ULK4: variants seen among roughly 807,000 people sequenced by gnomAD.
ULK4 encodes inactive serine/threonine-protein kinase ULK4.
In ULK4, 133 loss-of-function variants were observed where a neutral mutation model predicts 160.6. The observed-to-expected ratio is 0.83, with a 90% CI of 0.72 to 0.96. ULK4 has a LOEUF of 0.96. ULK4 is among the 40% of genes least tolerant of loss of function. The pLI is 0.00. For synonymous variants in ULK4, 534 were observed against 539.8 expected (o/e 0.99, Z 0.15); for missense variants, 1,580 against 1,499.5 (o/e 1.05, Z -0.89).
At position 41,681,510 on chromosome 3, in the gene ULK4, G is replaced by A. The variant is rs141682159; in HGVS notation, c.2976C>T (p.Pro992=). 1 of 1,613,732 alleles carries A rather than the reference G, an allele frequency of 6.2e-7. No individual in the cohort carries two copies. The highest frequency in any genetic ancestry group is 1.3e-5 in the African/African-American group (1 of 74,890). ...GAATACAACTGCATGATACTTACTG[G>A]GGAAGTAAGACATCTCGAATGAGAG... is the stretch of plus-strand genomic sequence containing the variant. ...LLALIRDVLL[P]QYEHILLEPD... is the part of the protein sequence containing the mutation. The change falls in exon 29 of 37, where the codon CCC becomes CCT. Residue 992 remains proline (P), a splice_region_variant and synonymous_variant. Coordinates refer to ENST00000301831, the MANE Select transcript of ULK4 (RefSeq NM_017886.4).
intron 34 of ULK4, among the ~76,000 whole-genome samples, chr3:41,412,853 GC>G (rs920562444): frequency 1.3e-5 from 2 of 152,062 alleles, no homozygotes; most frequent in Admixed American, 1.3e-4. Context: ...GAACCACTGT[GC>G]CTGGCCAAGA....
At chr3:41,317,039 G>T (rs1339287430) in intron 35 of ULK4, among the ~76,000 whole-genome samples, 4 of 140,244 alleles carry the variant, frequency 2.9e-5, no homozygotes, top group African/African-American at 8.0e-5. Flanking sequence ...TGGAAATTTT[G>T]ATGTAAAATA....
Position 41,954,715 on chromosome 3 carries a change from C to G in ULK4, c.45G>C (p.Lys15Asn), listed in dbSNP as rs1414521334. 6.2e-7 allele frequency: 1 copy of G among 1,613,856 alleles called. No homozygotes were observed. Among genetic ancestry groups the G allele is most frequent in the Admixed American group, 1.7e-5 (1 of 59,968 alleles). ...ILYEEIGRGSKTVVYKGRRKG... is the reference protein window; with the variant it reads ...ILYEEIGRGSNTVVYKGRRKG... ...TCCGTCGCCCTTTATAGACAACAGT[C>G]TTGCTTCCTCTTCCGATCTCCTCAT... Residue 15 changes from lysine (K) to asparagine (N), a missense_variant, in exon 2 of 37, where the codon AAG becomes AAC. Physicochemically the swap from Lys to Asn is moderately conservative, Grantham distance 94. Coordinates refer to ENST00000301831, the MANE Select transcript of ULK4 (RefSeq NM_017886.4).
intron 35 of ULK4, among the ~76,000 whole-genome samples, chr3:41,370,962 G>GGGGCGTACACCATT (rs1200905195): frequency 6.6e-6 from 1 of 152,150 alleles, no homozygotes; most frequent in Non-Finnish European, 1.5e-5. Flanking sequence ...GGTGGGGGGA[G>GGGGCGTACACCATT]GGGCGTACAC....
At chr3:41,827,634 A>C (rs148351986) in intron 18 of ULK4, among the ~76,000 whole-genome samples, 7 of 152,050 alleles carry the variant, frequency 4.6e-5, no homozygotes, top group East Asian at 1.9e-4. Context: ...CAATAACAGG[A>C]TCTGAAATTG....
chr3:41,425,048 A>G (rs906238318), intron 34 of ULK4, among the ~76,000 whole-genome samples: 2 of 152,260 alleles, frequency 1.3e-5, no homozygotes, highest in South Asian at 2.1e-4. Context: ...AAGAATCATG[A>G]TAAAACATTA....
rs79377215 is a variant in ULK4, at chr3:41,863,419, G to A, written c.1656+20455C>T. Reference sequence around the variant, plus strand: ...AGTCCTGAAATCAGAGATCCCAAGAGCCCTTTTGGTGTTCTACCCTCTTTG... The same window carrying A: ...AGTCCTGAAATCAGAGATCCCAAGAACCCTTTTGGTGTTCTACCCTCTTTG... On this transcript the variant is annotated intron_variant, in intron 17 of 36. Coordinates refer to ENST00000301831, the MANE Select transcript of ULK4 (RefSeq NM_017886.4). Among the ~76,000 whole-genome samples the A allele has an allele frequency of 7.7e-3, 1,165 of 151,314 alleles. 18 individuals carry two copies. Among genetic ancestry groups the A allele is most frequent in the African/African-American group, 0.026 (1,069 of 41,008 alleles).
chr3:41,608,468 T>C (rs1189064298), intron 31 of ULK4, among the ~76,000 whole-genome samples: 1 of 152,212 alleles, frequency 6.6e-6, no homozygotes, highest in African/African-American at 2.4e-5. Context: ...TACTGAGTAA[T>C]TTCGAGAAAA....
intron 22 of ULK4, among the ~76,000 whole-genome samples, chr3:41,731,133 A>G (rs1400594775): frequency 1.3e-5 from 2 of 152,038 alleles, no homozygotes; most frequent in Admixed American, 6.6e-5. Context: ...TTAGAACAAG[A>G]CAAGGATACT....
chr3:41,805,921 T>C (rs1051219484), intron 19 of ULK4, among the ~76,000 whole-genome samples: 13 of 146,354 alleles, frequency 8.9e-5, no homozygotes, highest in Admixed American at 8.8e-4. Flanking sequence ...TCAATGTTCA[T>C]CAAGGATATT....
intron 32 of ULK4, among the ~76,000 whole-genome samples, chr3:41,551,686 A>C (rs2087074471): frequency 6.6e-6 from 1 of 152,020 alleles, no homozygotes; most frequent in Non-Finnish European, 1.5e-5. Context: ...CAATTCTACC[A>C]AACTTTCAAA....
At chr3:41,697,322 G>A (rs964849645) in intron 27 of ULK4, among the ~76,000 whole-genome samples, 7 of 152,098 alleles carry the variant, frequency 4.6e-5, no homozygotes, top group Non-Finnish European at 8.8e-5. Context: ...TACTGACAAT[G>A]TCTTGATGAT....
chr3:41,763,717 C>T (rs1212762928), intron 21 of ULK4, among the ~76,000 whole-genome samples: 1 of 152,126 alleles, frequency 6.6e-6, no homozygotes, highest in Admixed American at 6.5e-5. Flanking sequence ...GGGTATACAC[C>T]TGCCAGGAGG....
At chr3:41,708,597 A>T (rs2125833082) in intron 25 of ULK4, among the ~76,000 whole-genome samples, 1 of 152,320 alleles carries the variant, frequency 6.6e-6, no homozygotes, top group South Asian at 2.1e-4. Flanking sequence ...GATCTAAAGT[A>T]AAGATCTGGG....
chr3:41,380,091 G>C (rs992501335), intron 35 of ULK4, among the ~76,000 whole-genome samples: 1 of 152,106 alleles, frequency 6.6e-6, no homozygotes, highest in African/African-American at 2.4e-5. Context: ...AGTGATGATA[G>C]AAAAATTACA....
intron 29 of ULK4, among the ~76,000 whole-genome samples, chr3:41,666,570 T>C (rs1194740262): frequency 6.6e-6 from 1 of 152,144 alleles, no homozygotes; most frequent in Non-Finnish European, 1.5e-5. Flanking sequence ...CAAATTGAAG[T>C]GATGGTGAGA....
intron 34 of ULK4, among the ~76,000 whole-genome samples, chr3:41,443,755 TA>T (rs1295992320): frequency 3.8e-5 from 4 of 104,840 alleles, no homozygotes; most frequent in Non-Finnish European, 7.7e-5. Flanking sequence ...ATATTTTCAA[TA>T]AATATATTTT....
intron 3 of ULK4, among the ~76,000 whole-genome samples, chr3:41,937,601 T>C (rs1214819996): frequency 2.0e-5 from 3 of 151,734 alleles, no homozygotes; most frequent in Non-Finnish European, 2.9e-5. Flanking sequence ...GCCCAGATAA[T>C]ATGTATTTAG....
At position 41,681,650 on chromosome 3, in the gene ULK4, CCACTT is replaced by C. The variant is rs749831730; in HGVS notation, c.2834-3_2835del. 1.4e-5 allele frequency: 22 copies of C among 1,613,044 alleles called. No homozygotes were observed. Among genetic ancestry groups the C allele is most frequent in the Non-Finnish European group, 1.9e-5 (22 of 1,179,816 alleles). Reference sequence around the variant, plus strand: ...AACCGCAAGCTAAAGAGTCTCCACTCCACTTGAAAGAAAAAAAAAATGCCAAGAAT... The same window carrying C: ...AACCGCAAGCTAAAGAGTCTCCACTCGAAAGAAAAAAAAAATGCCAAGAAT... On this transcript the variant is annotated splice_acceptor_variant and splice_polypyrimidine_tract_variant and coding_sequence_variant and intron_variant, in exon 29 of 37. Coordinates refer to ENST00000301831, the MANE Select transcript of ULK4 (RefSeq NM_017886.4). LOFTEE classifies it high-confidence loss of function.
Sources: allele counts gnomAD v4.1 joint callset (sites outside exome capture counted in the v4.1 genomes callset), GRCh38; gene constraint gnomAD v4.1.1; transcripts MANE v1.5; gene names NCBI Gene and HGNC (gene_info 2026-07-23, HGNC 2026-07-21).